Variants in CPPED1 observed in about 807,000 individuals in gnomAD.
CPPED1 encodes the protein serine/threonine-protein phosphatase CPPED1.
CPPED1 carries 28 observed loss-of-function variants against 28.0 expected under a neutral mutation model. The observed-to-expected ratio is 1.00, with a 90% CI of 0.74 to 1.37. CPPED1 has a LOEUF of 1.37. Ranked by LOEUF, CPPED1 falls within the 40% of genes most tolerant of loss-of-function variation. CPPED1 has a pLI of 0.00. For synonymous variants in CPPED1, 198 were observed against 180.2 expected, an observed-to-expected ratio of 1.10 and a Z score of -0.79; for missense variants, 504 against 416.5, an observed-to-expected ratio of 1.21 and a Z score of -1.83.
intron 3 of CPPED1, among the ~76,000 whole-genome samples, chr16:12,686,636 G>C (rs1444981152): frequency 2.0e-5 from 3 of 152,220 alleles, no homozygotes; most frequent in African/African-American, 7.2e-5. Context: ...TCATCAGAGA[G>C]GGGAGGATGC....
intron 2 of CPPED1, among the ~76,000 whole-genome samples, chr16:12,735,560 T>C (rs2080222404): frequency 6.6e-6 from 1 of 152,222 alleles, no homozygotes; most frequent in African/African-American, 2.4e-5. Flanking sequence ...CCACCTTGCA[T>C]CCCAAAGTGC....
Position 12,664,477 on chromosome 16 carries a change from T to C in CPPED1, c.*409A>G. The stretch of plus-strand genomic sequence containing the variant: ...GAATCGTGACCACAATTTAATACAA[T>C]CAGGTGTAGTTTGTTTAAGGAATTA... On this transcript the variant is annotated 3_prime_UTR_variant, in exon 4 of 4. Coordinates refer to ENST00000381774, the MANE Select transcript of CPPED1 (RefSeq NM_018340.3). The surrounding 1 kb of genome is among the most constrained non-coding windows in gnomAD (Gnocchi z 4.2). The C allele has an allele frequency of 9.7e-7, 1 of 1,025,650 alleles. No individual in the cohort carries two copies. Among genetic ancestry groups the C allele is most frequent in the Non-Finnish European group, 1.2e-6 (1 of 856,346 alleles). The allele number at this position is 1,025,650 out of a possible 1,614,324, so 63.5% of individuals were successfully genotyped here. A position where few individuals can be genotyped will look rare whatever the true frequency, so the allele number is the denominator to read the frequency against.
At chr16:12,683,396 G>A (rs983880060) in intron 3 of CPPED1, among the ~76,000 whole-genome samples, 10 of 151,824 alleles carry the variant, frequency 6.6e-5, no homozygotes, top group South Asian at 2.1e-4. Flanking sequence ...CCCTTCTCTC[G>A]TCCCTTTCCC....
chr16:12,752,062 C>G (rs1408920090), intron 2 of CPPED1, among the ~76,000 whole-genome samples: 1 of 152,138 alleles, frequency 6.6e-6, no homozygotes, highest in Non-Finnish European at 1.5e-5. Flanking sequence ...CACTCTATCC[C>G]AAATTACTGA....
intron 3 of CPPED1, among the ~76,000 whole-genome samples, chr16:12,695,108 G>A (rs983602556): frequency 5.9e-5 from 9 of 152,060 alleles, no homozygotes; most frequent in African/African-American, 1.7e-4. Flanking sequence ...GGAGGGCACT[G>A]TAACATGATT....
At chr16:12,729,251 G>T (rs2080185392) in intron 2 of CPPED1, among the ~76,000 whole-genome samples, 3 of 152,108 alleles carry the variant, frequency 2.0e-5, no homozygotes, top group Admixed American at 2.0e-4. Context: ...AGTGAAGATG[G>T]CTCCAAGGGC....
intron 2 of CPPED1, among the ~76,000 whole-genome samples, chr16:12,744,201 A>C: frequency 6.6e-6 from 1 of 151,648 alleles, no homozygotes; most frequent in East Asian, 2.0e-4. Flanking sequence ...GCGTGAACCC[A>C]GGAGGCGGAG....
At chr16:12,690,970 C>T (rs2079959625) in intron 3 of CPPED1, among the ~76,000 whole-genome samples, 1 of 152,230 alleles carries the variant, frequency 6.6e-6, no homozygotes, top group South Asian at 2.1e-4. Context: ...AGGTGGGACC[C>T]TGCCCCACAC....
intron 3 of CPPED1, among the ~76,000 whole-genome samples, chr16:12,683,159 C>T (rs764773277): frequency 5.3e-5 from 8 of 152,178 alleles, no homozygotes; most frequent in Admixed American, 3.3e-4. Flanking sequence ...TCCATCAAAA[C>T]GTAAGGACCT....
chr16:12,752,518 T>C (rs1414122225), intron 2 of CPPED1, among the ~76,000 whole-genome samples: 1 of 151,762 alleles, frequency 6.6e-6, no homozygotes, highest in Non-Finnish European at 1.5e-5. Context: ...AGATCAAATT[T>C]ATTAAATTCT....
intron 2 of CPPED1, among the ~76,000 whole-genome samples, chr16:12,713,681 C>T (rs569974891): frequency 6.6e-6 from 1 of 152,112 alleles, no homozygotes; most frequent in Non-Finnish European, 1.5e-5. Context: ...TTTCTTCAAT[C>T]TTACTAAAAT....
intron 2 of CPPED1, among the ~76,000 whole-genome samples, chr16:12,772,849 T>G (rs1488666457): frequency 6.6e-6 from 1 of 152,232 alleles, no homozygotes; most frequent in East Asian, 1.9e-4. Flanking sequence ...AACTTTAGAA[T>G]GGTAAGACAG....
At chr16:12,673,719 C>G (rs375609941) in intron 3 of CPPED1, among the ~76,000 whole-genome samples, 102 of 152,254 alleles carry the variant, frequency 6.7e-4, no homozygotes, top group African/African-American at 2.4e-3. Flanking sequence ...AACGAGGATT[C>G]TTAAGAGTAG....
chr16:12,694,075 G>A (rs1437621956), intron 3 of CPPED1, among the ~76,000 whole-genome samples: 6 of 152,170 alleles, frequency 3.9e-5, no homozygotes, highest in African/African-American at 9.6e-5. Flanking sequence ...GTGTGGTGGC[G>A]GGTACCTGTA....
chr16:12,802,713 G>A (rs557258034), intron 1 of CPPED1, among the ~76,000 whole-genome samples: 157 of 152,346 alleles, frequency 1.0e-3, no homozygotes, highest in African/African-American at 3.5e-3. Context: ...TGTGACGGTT[G>A]AGAGAGCCAG....
At chr16:12,694,619 C>G (rs1205171855) in intron 3 of CPPED1, among the ~76,000 whole-genome samples, 2 of 149,670 alleles carry the variant, frequency 1.3e-5, no homozygotes, top group African/African-American at 4.9e-5. Flanking sequence ...ATAGGCCAAA[C>G]GTGGGAAAAT....
intron 2 of CPPED1, among the ~76,000 whole-genome samples, chr16:12,738,090 A>T (rs2080236362): frequency 1.3e-5 from 2 of 152,146 alleles, no homozygotes; most frequent in African/African-American, 4.8e-5. Flanking sequence ...AGAAAATGTT[A>T]AGAATTCATG....
At chr16:12,730,677 G>T (rs1273326882) in intron 2 of CPPED1, among the ~76,000 whole-genome samples, 1 of 152,196 alleles carries the variant, frequency 6.6e-6, no homozygotes, top group Non-Finnish European at 1.5e-5. Flanking sequence ...TACAGCGAAA[G>T]AAGCCAGAAG....
rs139163745 is a variant in CPPED1, at chr16:12,800,172, T to C, written c.70+3535A>G. Among the ~76,000 whole-genome samples, 54 of 152,176 alleles carry C rather than the reference T, an allele frequency of 3.5e-4. 1 individual carries two copies. Among genetic ancestry groups the C allele is most frequent in the African/African-American group, 1.2e-3 (49 of 41,532 alleles). On this transcript the variant is annotated intron_variant, in intron 1 of 3. Coordinates refer to ENST00000381774, the MANE Select transcript of CPPED1 (RefSeq NM_018340.3). Reference sequence around the variant, plus strand: ...TTCAAAGTAAACAATGGGGGCCAAGTGCGGTGGCTCATGCCTGTAAATCCC... The same window carrying C: ...TTCAAAGTAAACAATGGGGGCCAAGCGCGGTGGCTCATGCCTGTAAATCCC...
Sources: allele counts gnomAD v4.1 joint callset (sites outside exome capture counted in the v4.1 genomes callset), GRCh38; gene constraint gnomAD v4.1.1; non-coding constraint Gnocchi (gnomAD v3.1); transcripts MANE v1.5; gene names NCBI Gene and HGNC (gene_info 2026-07-23, HGNC 2026-07-21).